The following NICOL1 variants were observed in gnomAD, a reference collection of about 807,000 sequenced individuals.
NICOL1 encodes the protein NELL2-interacting cell ontogeny regulator 1.
At chr4:2,041,949 A>T in the NICOL1 span, 2 of 1,450,478 alleles carry the variant, frequency 1.4e-6, no homozygotes, top group Non-Finnish European at 1.8e-6. Flanking sequence ...GGTTTCCATG[A>T]CGACGACGTC....
chr4:2,040,375 G>A, the NICOL1 span, among the ~76,000 whole-genome samples: 1 of 152,246 alleles, frequency 6.6e-6, no homozygotes, highest in Admixed American at 6.5e-5. Flanking sequence ...CCAAAGTGCT[G>A]GGATTAGATT....
At chr4:2,037,164 T>C in the NICOL1 span, among the ~76,000 whole-genome samples, 2 of 152,200 alleles carry the variant, frequency 1.3e-5, no homozygotes, top group Non-Finnish European at 2.9e-5. Context: ...TTGCTTGCCC[T>C]TTGCCCTTCT....
chr4:2,036,977 G>T, the NICOL1 span, among the ~76,000 whole-genome samples: 1 of 152,104 alleles, frequency 6.6e-6, no homozygotes, highest in African/African-American at 2.4e-5. Flanking sequence ...ATCTCGTGTG[G>T]AGCTCTGATC....
the NICOL1 span, chr4:2,042,662 G>A: frequency 3.6e-6 from 3 of 827,764 alleles, no homozygotes; most frequent in East Asian, 3.2e-5. Flanking sequence ...CTGGGTGGAC[G>A]GGCCCAGAGT....
chr4:2,042,444 G>T, the NICOL1 span: 1 of 433,912 alleles, frequency 2.3e-6, no homozygotes, highest in South Asian at 5.8e-5. Flanking sequence ...TGGGCGCCCG[G>T]GCCCGCGCCG....
the NICOL1 span, among the ~76,000 whole-genome samples, chr4:2,040,384 TTGTCCGTGGGCGCGAC>T: frequency 2.0e-5 from 3 of 152,288 alleles, no homozygotes; most frequent in Non-Finnish European, 4.4e-5. Context: ...TGGGATTAGA[TTGTCCGTGGGCGCGAC>T]TGTCCGTGGG....
At chr4:2,041,799 G>T in the NICOL1 span, 4 of 514,054 alleles carry the variant, frequency 7.8e-6, no homozygotes, top group East Asian at 1.4e-4. Context: ...CCCCGGCGCC[G>T]CCTCCTCCAG....
the NICOL1 span, chr4:2,042,002 T>G: frequency 2.7e-6 from 4 of 1,469,642 alleles, no homozygotes; most frequent in Non-Finnish European, 3.6e-6. Context: ...CGCATGCGCG[T>G]TGCGCGCCGG....
the NICOL1 span, chr4:2,042,010 C>T: frequency 1.4e-6 from 2 of 1,470,262 alleles, no homozygotes; most frequent in Non-Finnish European, 1.8e-6. Context: ...CGTTGCGCGC[C>T]GGACGCGGAA....
chr4:2,043,934 G>T, the NICOL1 span: 1 of 1,542,776 alleles, frequency 6.5e-7, no homozygotes, highest in Admixed American at 2.0e-5. Context: ...TGAGGACCAC[G>T]CTGCTCCGTG....
the NICOL1 span, among the ~76,000 whole-genome samples, chr4:2,043,709 G>T: frequency 6.6e-6 from 1 of 152,222 alleles, no homozygotes; most frequent in Non-Finnish European, 1.5e-5. Context: ...AAAGAGATGA[G>T]TGGGAGGCTC....
chr4:2,043,606 G>A, the NICOL1 span, among the ~76,000 whole-genome samples: 12 of 152,194 alleles, frequency 7.9e-5, no homozygotes, highest in Non-Finnish European at 1.5e-4. Context: ...TGCGGGTGGT[G>A]TGGGAGCTGG....
the NICOL1 span, among the ~76,000 whole-genome samples, chr4:2,037,566 AAAAT>A: frequency 1.3e-5 from 2 of 152,386 alleles, no homozygotes; most frequent in East Asian, 1.9e-4. Flanking sequence ...TTCATATGAA[AAAAT>A]AAATAAAAAT....
chr4:2,041,413 A>C, the NICOL1 span, among the ~76,000 whole-genome samples: 1 of 151,920 alleles, frequency 6.6e-6, no homozygotes, highest in Non-Finnish European at 1.5e-5. Context: ...GCTCCGCGCA[A>C]GCGGTTCTCC....
the NICOL1 span, among the ~76,000 whole-genome samples, chr4:2,038,666 T>C: frequency 6.6e-6 from 1 of 152,194 alleles, no homozygotes; most frequent in African/African-American, 2.4e-5. Context: ...AATTAGATAA[T>C]GTTTTGTGAA....
chr4:2,038,245 A>G, the NICOL1 span, among the ~76,000 whole-genome samples: 387 of 55,864 alleles, frequency 6.9e-3, 4 homozygotes, highest in African/African-American at 8.8e-3. Context: ...GTGTATATAT[A>G]TATATATATA....
chr4:2,039,413 C>T, the NICOL1 span, among the ~76,000 whole-genome samples: 12 of 143,928 alleles, frequency 8.3e-5, no homozygotes, highest in Non-Finnish European at 1.5e-4. Context: ...GATTGCGTCT[C>T]AAAAAAAAAC....
chr4:2,041,331 C>T, the NICOL1 span, among the ~76,000 whole-genome samples: 1 of 152,160 alleles, frequency 6.6e-6, no homozygotes, highest in Non-Finnish European at 1.5e-5. Context: ...CTGCACGGCG[C>T]TCTTTAAGGC....
At chr4:2,040,539 C>T in the NICOL1 span, among the ~76,000 whole-genome samples, 4 of 152,244 alleles carry the variant, frequency 2.6e-5, no homozygotes, top group African/African-American at 7.2e-5. Context: ...GCCCCGGCAA[C>T]AGCGCGGGGC....
Sources: gnomAD v4.1 joint callset for allele counts (sites outside exome capture counted in the v4.1 genomes callset) on GRCh38, gnomAD v4.1.1 for gene constraint, MANE v1.5 for transcripts, NCBI Gene and HGNC (gene_info 2026-07-23, HGNC 2026-07-21) for gene names.